DPYSL2: variants seen among roughly 807,000 people sequenced by gnomAD.
DPYSL2 encodes dihydropyrimidinase-related protein 2.
DPYSL2 carries 13 observed loss-of-function variants against 69.9 expected under a neutral mutation model. The observed-to-expected ratio is 0.19, with a 90% confidence interval of 0.12 to 0.30. DPYSL2 has a LOEUF of 0.30. Ranked by LOEUF, DPYSL2 falls within the 10% of genes least tolerant of loss-of-function variation. The pLI is 1.00. For synonymous variants in DPYSL2, 326 were observed against 359.1 expected (o/e 0.91, Z 1.04); for missense variants, 587 against 918.9 (o/e 0.64, Z 4.67).
At position 26,624,344 on chromosome 8, in the gene DPYSL2, T is replaced by C. The variant is rs1327725814; in HGVS notation, c.793+37T>C. ...TGAGTCAATGCCCTCTGCAGATGTTTCCGCTTCAGTCCATCAACTGGCACA... is the reference window on the plus strand; with the variant it reads ...TGAGTCAATGCCCTCTGCAGATGTTCCCGCTTCAGTCCATCAACTGGCACA... On this transcript the variant is annotated intron_variant, in intron 4 of 13. Coordinates refer to ENST00000521913, the MANE Select transcript of DPYSL2 (RefSeq NM_001197293.3). The surrounding 1 kb of genome is among the most constrained non-coding windows in gnomAD (Gnocchi z 4.7). The C allele has an allele frequency of 1.9e-6, 3 of 1,601,792 alleles. No individual in the cohort carries two copies. The highest frequency in any genetic ancestry group is 1.1e-5 in the South Asian group (1 of 89,838).
At chr8:26,579,163 C>T (rs1255556179) in intron 1 of DPYSL2, among the ~76,000 whole-genome samples, 1 of 152,238 alleles carries the variant, frequency 6.6e-6, no homozygotes, top group Non-Finnish European at 1.5e-5. Flanking sequence ...GATGGCCCGG[C>T]CCCGGCCAGA....
chr8:26,645,517 T>G (rs974914103), intron 10 of DPYSL2, among the ~76,000 whole-genome samples: 12 of 152,216 alleles, frequency 7.9e-5, no homozygotes, highest in African/African-American at 2.9e-4. Context: ...AAAAGTTGAT[T>G]TATAATAACA....
At chr8:26,601,656 C>T (rs982231412) in intron 3 of DPYSL2, among the ~76,000 whole-genome samples, 5 of 152,306 alleles carry the variant, frequency 3.3e-5, no homozygotes, top group East Asian at 1.9e-4. Flanking sequence ...GGATTATAGG[C>T]GTGAGCCACA....
intron 1 of DPYSL2, among the ~76,000 whole-genome samples, chr8:26,527,339 C>A (rs1473543880): frequency 1.3e-5 from 2 of 152,184 alleles, no homozygotes. Flanking sequence ...ATTGAAGATG[C>A]TAAATAATTT....
rs548749488 is a variant in DPYSL2 at position 26,514,838 on chromosome 8, G to A, written c.354+159G>A. Reference sequence around the variant, plus strand: ...CCTACCCGCCCCTTCTCCGCGCAGGGTGCGGCGAGGCTCGGGCTGGGCGGT... The same window carrying A: ...CCTACCCGCCCCTTCTCCGCGCAGGATGCGGCGAGGCTCGGGCTGGGCGGT... On this transcript the variant is annotated intron_variant, in intron 1 of 13. Coordinates refer to ENST00000521913, the MANE Select transcript of DPYSL2 (RefSeq NM_001197293.3). The surrounding 1 kb of genome is among the most constrained non-coding windows in gnomAD (Gnocchi z 8.4). Among the ~76,000 whole-genome samples, 77 of 152,256 alleles carry A rather than the reference G, an allele frequency of 5.1e-4. 1 individual carries two copies. Among genetic ancestry groups the A allele is most frequent in the Middle Eastern group, 6.8e-3 (2 of 292 alleles).
chr8:26,600,942 G>A (rs1029686325), intron 3 of DPYSL2, among the ~76,000 whole-genome samples: 7 of 152,204 alleles, frequency 4.6e-5, no homozygotes, highest in Admixed American at 4.6e-4. Flanking sequence ...CCATGCTGGG[G>A]AGGGAACTTG....
At chr8:26,536,706 A>G (rs991821072) in intron 1 of DPYSL2, among the ~76,000 whole-genome samples, 3 of 152,156 alleles carry the variant, frequency 2.0e-5, no homozygotes, top group African/African-American at 7.2e-5. Flanking sequence ...ACAGTAAATT[A>G]TTAGGTGGGC....
At position 26,652,012 on chromosome 8, in the gene DPYSL2, T is replaced by A. The variant is rs1488669161; in HGVS notation, c.1597-245T>A. 1.3e-5 allele frequency among the ~76,000 whole-genome samples: 2 copies of A among 152,236 alleles called. No homozygotes were observed. Among genetic ancestry groups the A allele is most frequent in the Non-Finnish European group, 2.9e-5 (2 of 68,038 alleles). Reference sequence around the variant, plus strand: ...TAGCATTTACAAACATGCACCCTTTTCACACAATTATTCTGTTTAATTATT... The same window carrying A: ...TAGCATTTACAAACATGCACCCTTTACACACAATTATTCTGTTTAATTATT... On this transcript the variant is annotated intron_variant, in intron 11 of 13. Transcript: ENST00000521913. The surrounding 1 kb of genome is among the most constrained non-coding windows in gnomAD (Gnocchi z 6.3).
chr8:26,623,659 G>A (rs982240357), intron 3 of DPYSL2, among the ~76,000 whole-genome samples: 1 of 152,212 alleles, frequency 6.6e-6, no homozygotes, highest in East Asian at 1.9e-4. Flanking sequence ...TTATGCTGCA[G>A]AAATGTGAGC....
At chr8:26,592,306 C>G (rs1801744766) in intron 3 of DPYSL2, among the ~76,000 whole-genome samples, 1 of 152,136 alleles carries the variant, frequency 6.6e-6, no homozygotes, top group African/African-American at 2.4e-5. Context: ...GTGTGCACCA[C>G]TACACCCGGC....
rs1480637866 is a variant in DPYSL2, at chr8:26,564,324, C to T, written c.355-17645C>T. Among the ~76,000 whole-genome samples, 2 of 152,074 alleles carry T rather than the reference C, an allele frequency of 1.3e-5. No individual in the cohort carries two copies. Among genetic ancestry groups the T allele is most frequent in the African/African-American group, 2.4e-5 (1 of 41,396 alleles). The stretch of plus-strand genomic sequence containing the variant: ...TTCCTGAAGCTTAACCATGTAGGAA[C>T]AGCAAGGCAGGGCAATCGTGGTGAG... On this transcript the variant is annotated intron_variant, in intron 1 of 13. Transcript: ENST00000521913. The surrounding 1 kb of genome is among the most constrained non-coding windows in gnomAD (Gnocchi z 4.8).
rs576133459 is a variant in DPYSL2 at position 26,523,166 on chromosome 8, TA to T, written c.354+8488del. Among the ~76,000 whole-genome samples, 356 of 150,008 alleles carry T rather than the reference TA, an allele frequency of 2.4e-3. 6 individuals carry two copies. Among genetic ancestry groups the T allele is most frequent in the Admixed American group, 6.3e-3 (94 of 15,024 alleles). On this transcript the variant is annotated intron_variant, in intron 1 of 13. Transcript: ENST00000521913. Reference sequence around the variant, plus strand: ...ACAGACATACATGTATATATATATATATATTTTTAAATAATATTTAAAATTT... The same window carrying T: ...ACAGACATACATGTATATATATATATTATTTTTAAATAATATTTAAAATTT...
intron 8 of DPYSL2, among the ~76,000 whole-genome samples, chr8:26,638,694 T>A (rs1429074222): frequency 5.9e-5 from 9 of 152,162 alleles, no homozygotes; most frequent in Non-Finnish European, 8.8e-5. Flanking sequence ...CTGGGGGCAT[T>A]TTTACTCTTG....
intron 3 of DPYSL2, among the ~76,000 whole-genome samples, chr8:26,623,360 TAAG>T (rs1802540989): frequency 6.6e-6 from 1 of 152,180 alleles, no homozygotes; most frequent in African/African-American, 2.4e-5. Flanking sequence ...GGGAATGACA[TAAG>T]ATTGATGGAT....
intron 1 of DPYSL2, chr8:26,577,781 T>C: frequency 2.0e-6 from 2 of 990,676 alleles, no homozygotes; most frequent in Non-Finnish European, 2.4e-6. Flanking sequence ...CTGCCGCATT[T>C]CGCGCTCTCG....
At position 26,605,867 on chromosome 8, in the gene DPYSL2, T is replaced by A. The variant is rs1362073030; in HGVS notation, c.629-18276T>A. Among the ~76,000 whole-genome samples, 1 of 152,216 alleles carries A rather than the reference T, an allele frequency of 6.6e-6. No individual in the cohort carries two copies. Among genetic ancestry groups the A allele is most frequent in the African/African-American group, 2.4e-5 (1 of 41,464 alleles). On this transcript the variant is annotated intron_variant, in intron 3 of 13. Transcript: ENST00000521913. This position sits in a 1 kb window ranked among gnomAD's most constrained non-coding sequence, Gnocchi z 4.1. Reference sequence around the variant, plus strand: ...AAAAACCCAATACTGTAAAGAAGTGTATACTTTAGATTAATTTTAAAATTG... The same window carrying A: ...AAAAACCCAATACTGTAAAGAAGTGAATACTTTAGATTAATTTTAAAATTG...
At position 26,582,351 on chromosome 8, in the gene DPYSL2, A is replaced by G. The variant is rs1011742197; in HGVS notation, c.443+294A>G. Among the ~76,000 whole-genome samples the G allele has an allele frequency of 1.3e-5, 2 of 152,186 alleles. No homozygotes were observed. The highest frequency in any genetic ancestry group is 2.9e-5 in the Non-Finnish European group (2 of 68,034). On this transcript the variant is annotated intron_variant, in intron 2 of 13. Transcript: ENST00000521913. This position sits in a 1 kb window ranked among gnomAD's most constrained non-coding sequence, Gnocchi z 4.1. ...TGCCAGCTCAAATACTTGGTTTGTG[A>G]TATGTTGAATATATTAAAGTTTTGC...
rs1275481471 is a variant in DPYSL2, at chr8:26,562,734, G to A, written c.355-19235G>A. ...CCAACAACACTCTTACTGTGCTCAT[G>A]GATCCTGTGGATCAGGGATTTGAAC... On this transcript the variant is annotated intron_variant, in intron 1 of 13. Transcript: ENST00000521913. This position sits in a 1 kb window ranked among gnomAD's most constrained non-coding sequence, Gnocchi z 4.9. Among the ~76,000 whole-genome samples the A allele has an allele frequency of 6.6e-6, 1 of 152,174 alleles. No individual in the cohort carries two copies. The highest frequency in any genetic ancestry group is 1.9e-4 in the East Asian group (1 of 5,188).
intron 1 of DPYSL2, among the ~76,000 whole-genome samples, chr8:26,526,209 C>T (rs1449091520): frequency 6.6e-6 from 1 of 152,184 alleles, no homozygotes; most frequent in Non-Finnish European, 1.5e-5. Context: ...ATTCTCCTGC[C>T]TCAGCCTCCC....
Sources: allele counts gnomAD v4.1 joint callset (sites outside exome capture counted in the v4.1 genomes callset), GRCh38; gene constraint gnomAD v4.1.1; non-coding constraint Gnocchi (gnomAD v3.1); transcripts MANE v1.5; gene names NCBI Gene and HGNC (gene_info 2026-07-23, HGNC 2026-07-21).